Variants in FAM53B observed in about 807,000 individuals in gnomAD.
FAM53B encodes protein FAM53B.
A neutral mutation model predicts 32.7 loss-of-function variants in FAM53B; 12 were observed. The ratio of observed to expected loss-of-function variants is 0.37; its 90% CI spans 0.24 to 0.59. The LOEUF is 0.59. Among genes scored for constraint, FAM53B ranks in the 20% least tolerant of loss-of-function variants. The pLI, the probability that FAM53B is intolerant of heterozygous loss-of-function variation, is 0.72. For missense variants in FAM53B, 477 were observed against 577.7 expected, an observed-to-expected ratio of 0.83 and a Z score of 1.79; for synonymous variants, 234 against 228.7, an observed-to-expected ratio of 1.02 and a Z score of -0.21.
At chr10:124,683,358 T>C (rs1490573210) in intron 3 of FAM53B, among the ~76,000 whole-genome samples, 2 of 152,206 alleles carry the variant, frequency 1.3e-5, no homozygotes, top group East Asian at 3.8e-4. Context: ...TGCCATGATA[T>C]CAGGGAACAA....
chr10:124,709,235 T>A (rs775685377), intron 1 of FAM53B, among the ~76,000 whole-genome samples: 1 of 152,170 alleles, frequency 6.6e-6, no homozygotes, highest in Non-Finnish European at 1.5e-5. Flanking sequence ...TCTGGTGAAG[T>A]AGGAGGCGGC....
chr10:124,710,208 C>A (rs74700267), intron 1 of FAM53B, among the ~76,000 whole-genome samples: 7,649 of 152,262 alleles, frequency 0.05, 631 homozygotes, highest in African/African-American at 0.17. Flanking sequence ...TCAATGGAGA[C>A]CTTATCACTG....
intron 4 of FAM53B, among the ~76,000 whole-genome samples, chr10:124,630,616 C>T (rs540824390): frequency 1.1e-3 from 161 of 152,138 alleles, no homozygotes; most frequent in Non-Finnish European, 1.9e-3. Flanking sequence ...TTGCCAGGAG[C>T]GGGAAGGTAC....
At chr10:124,627,489 G>A (rs1256405348) in intron 4 of FAM53B, among the ~76,000 whole-genome samples, 1 of 152,182 alleles carries the variant, frequency 6.6e-6, no homozygotes, top group African/African-American at 2.4e-5. Flanking sequence ...AGGACCAACT[G>A]TCCCCCAGCC....
chr10:124,637,968 G>A (rs1949444533), intron 4 of FAM53B, among the ~76,000 whole-genome samples: 1 of 152,240 alleles, frequency 6.6e-6, no homozygotes, highest in Admixed American at 6.5e-5. Context: ...GGCCCTCCCT[G>A]TCTGAGTGCC....
chr10:124,645,433 A>G (rs888470730), intron 4 of FAM53B, among the ~76,000 whole-genome samples: 2 of 152,088 alleles, frequency 1.3e-5, no homozygotes, highest in Admixed American at 1.3e-4. Context: ...GGGGCCCAAG[A>G]TGGGCCCACG....
intron 2 of FAM53B, 91 bp downstream of exon 2, chr10:124,706,545 T>G: frequency 6.5e-7 from 1 of 1,538,038 alleles, no homozygotes; most frequent in Non-Finnish European, 9.0e-7. Flanking sequence ...TGGACTCGAT[T>G]TGCTAAGCTT....
chr10:124,658,945 T>G (rs991251927), intron 4 of FAM53B, among the ~76,000 whole-genome samples: 4 of 152,236 alleles, frequency 2.6e-5, no homozygotes, highest in African/African-American at 7.2e-5. Context: ...ATCCCTTACC[T>G]GCCTAGAACC....
chr10:124,739,335 T>C (rs926468974), intron 1 of FAM53B, among the ~76,000 whole-genome samples: 4 of 152,274 alleles, frequency 2.6e-5, no homozygotes, highest in Non-Finnish European at 1.5e-5. Flanking sequence ...ACTGCAGGTT[T>C]GCTTTGAGAA....
intron 4 of FAM53B, chr10:124,667,491 A>G (rs1436336536): frequency 2.7e-6 from 2 of 728,194 alleles, no homozygotes; most frequent in Non-Finnish European, 5.1e-6. Flanking sequence ...AACAGTCAGC[A>G]GCCCACAGCT....
chr10:124,632,512 G>A (rs1435049169), intron 4 of FAM53B, among the ~76,000 whole-genome samples: 1 of 152,232 alleles, frequency 6.6e-6, no homozygotes, highest in African/African-American at 2.4e-5. Flanking sequence ...TGGCTTCTGA[G>A]CAGGACTAGC....
At chr10:124,716,081 C>T (rs943077605) in intron 1 of FAM53B, among the ~76,000 whole-genome samples, 71 of 152,254 alleles carry the variant, frequency 4.7e-4, no homozygotes, top group African/African-American at 7.2e-4. Flanking sequence ...GCTGGCTGTA[C>T]GCATGAAGCA....
chr10:124,734,327 A>G (rs1169935408), intron 1 of FAM53B, among the ~76,000 whole-genome samples: 3 of 152,064 alleles, frequency 2.0e-5, no homozygotes, highest in African/African-American at 7.2e-5. Flanking sequence ...AGTAGCTGTT[A>G]CTCCACATTG....
intron 1 of FAM53B, among the ~76,000 whole-genome samples, chr10:124,720,184 C>CA (rs1950060893): frequency 6.9e-6 from 1 of 144,230 alleles, no homozygotes; most frequent in African/African-American, 2.5e-5. Context: ...AAAAAACAAA[C>CA]AAACCACCAA....
At chr10:124,638,927 A>G (rs1254299002) in intron 4 of FAM53B, among the ~76,000 whole-genome samples, 1 of 152,166 alleles carries the variant, frequency 6.6e-6, no homozygotes, top group Non-Finnish European at 1.5e-5. Flanking sequence ...GGGACAAAGT[A>G]TATGTAGGGC....
chr10:124,691,829 G>A (rs987339317), intron 3 of FAM53B, among the ~76,000 whole-genome samples: 1 of 152,196 alleles, frequency 6.6e-6, no homozygotes, highest in African/African-American at 2.4e-5. Context: ...TTGACTGAGA[G>A]TCCACGCGTG....
intron 1 of FAM53B, among the ~76,000 whole-genome samples, chr10:124,730,563 T>C (rs1950136071): frequency 6.6e-6 from 1 of 152,222 alleles, no homozygotes; most frequent in African/African-American, 2.4e-5. Context: ...CTCTGCACTT[T>C]TGGTTCTCCC....
chr10:124,647,789 G>A (rs1233144344), intron 4 of FAM53B, among the ~76,000 whole-genome samples: 4 of 152,330 alleles, frequency 2.6e-5, no homozygotes, highest in Admixed American at 2.0e-4. Context: ...GAGATGAGCC[G>A]AGGAAAATGT....
chr10:124,645,168 C>T (rs372355768), intron 4 of FAM53B, among the ~76,000 whole-genome samples: 90 of 152,336 alleles, frequency 5.9e-4, no homozygotes, highest in Middle Eastern at 3.4e-3. Flanking sequence ...CGGGGCAACT[C>T]GGGCCCTCCC....
Sources: gnomAD v4.1 joint callset for allele counts (sites outside exome capture counted in the v4.1 genomes callset) on GRCh38, gnomAD v4.1.1 for gene constraint, MANE v1.5 for transcripts, NCBI Gene and HGNC (gene_info 2026-07-23, HGNC 2026-07-21) for gene names.